The following ARHGEF33 variants were observed in gnomAD, a reference collection of about 807,000 sequenced individuals.
The protein encoded by ARHGEF33 is Rho guanine nucleotide exchange factor 33, also known as DH and coiled-coil domain-containing protein ENSP00000381780.
In ARHGEF33, 72 loss-of-function variants were observed where a neutral mutation model predicts 101.9. The observed-to-expected ratio is 0.71, with a 90% confidence interval of 0.58 to 0.86. The LOEUF (loss-of-function observed/expected upper bound fraction) is 0.86. ARHGEF33 is among the 40% of genes least tolerant of loss of function. The probability of loss-of-function intolerance (pLI) is 0.00; values close to 1 mark genes in which losing one functional copy is unlikely to be tolerated. For missense variants in ARHGEF33, 1,169 were observed against 1,111.3 expected, an observed-to-expected ratio of 1.05 and a Z score of -0.74; for synonymous variants, 499 against 442.5, an observed-to-expected ratio of 1.13 and a Z score of -1.60.
At chr2:38,904,415 GA>G (rs34284601) in intron 2 of ARHGEF33, among the ~76,000 whole-genome samples, 38,672 of 151,930 alleles carry the variant, frequency 0.25, 5,204 homozygotes, top group Admixed American at 0.31. Flanking sequence ...TTATGAAGAT[GA>G]AAAAACAGGC....
At chr2:38,923,711 GCAGT>G (rs1443169439) in intron 4 of ARHGEF33, among the ~76,000 whole-genome samples, 1 of 152,204 alleles carries the variant, frequency 6.6e-6, no homozygotes, top group African/African-American at 2.4e-5. Flanking sequence ...GAGGTCTCAT[GCAGT>G]CATTCAGTCT....
At chr2:38,945,359 G>A (rs956180415) in intron 10 of ARHGEF33, among the ~76,000 whole-genome samples, 4 of 152,264 alleles carry the variant, frequency 2.6e-5, no homozygotes, top group East Asian at 1.9e-4. Flanking sequence ...ACAAACCCAC[G>A]AGTGGCCTAT....
chr2:38,958,842 C>T (rs969646047), intron 15 of ARHGEF33, among the ~76,000 whole-genome samples: 1 of 152,062 alleles, frequency 6.6e-6, no homozygotes, highest in South Asian at 2.1e-4. Flanking sequence ...CCACCATGCC[C>T]GGCTAATTTT....
chr2:38,937,829 G>A (rs1449898775), intron 9 of ARHGEF33, among the ~76,000 whole-genome samples: 1 of 152,166 alleles, frequency 6.6e-6, no homozygotes, highest in East Asian at 1.9e-4. Flanking sequence ...TAAGGTTGGT[G>A]GAGAAGGCAG....
chr2:38,943,789 TG>T (rs938960457), intron 9 of ARHGEF33, 111 bp from the exon 10 acceptor site: 37 of 1,064,394 alleles, frequency 3.5e-5, no homozygotes, highest in East Asian at 1.1e-4. Flanking sequence ...AACTTGCAGA[TG>T]GTTTTTTTTT....
At chr2:38,963,140 G>A (rs1667983257) in intron 16 of ARHGEF33, among the ~76,000 whole-genome samples, 1 of 152,044 alleles carries the variant, frequency 6.6e-6, no homozygotes, top group South Asian at 2.1e-4. Flanking sequence ...GTATGTGCAC[G>A]TCTGCATGTC....
intron 2 of ARHGEF33, among the ~76,000 whole-genome samples, chr2:38,912,237 G>A (rs1451835246): frequency 6.6e-6 from 1 of 152,200 alleles, no homozygotes; most frequent in Non-Finnish European, 1.5e-5. Flanking sequence ...TTAACTTGGT[G>A]AGAGGCATGT....
intron 2 of ARHGEF33, among the ~76,000 whole-genome samples, chr2:38,914,989 T>G (rs1483473062): frequency 6.6e-6 from 1 of 152,184 alleles, no homozygotes; most frequent in African/African-American, 2.4e-5. Flanking sequence ...GTATTTTATC[T>G]GTACAACAAT....
chr2:38,962,180 G>A (rs1331766740), intron 16 of ARHGEF33, among the ~76,000 whole-genome samples: 1 of 152,164 alleles, frequency 6.6e-6, no homozygotes, highest in Non-Finnish European at 1.5e-5. Context: ...AGAATTTCTT[G>A]GAGAAATCAA....
intron 2 of ARHGEF33, among the ~76,000 whole-genome samples, chr2:38,905,288 G>C (rs1467929741): frequency 6.6e-6 from 1 of 152,126 alleles, no homozygotes; most frequent in East Asian, 1.9e-4. Context: ...ATGATGAACT[G>C]TTTAGCATAA....
intron 2 of ARHGEF33, among the ~76,000 whole-genome samples, chr2:38,902,046 T>C (rs1393395935): frequency 7.0e-6 from 1 of 143,494 alleles, no homozygotes; most frequent in African/African-American, 2.6e-5. Context: ...ACCCGGGAGG[T>C]GGAGCTTGCA....
Position 38,944,027 on chromosome 2 carries a change from G to C in ARHGEF33, c.917G>C (p.Arg306Thr), listed in dbSNP as rs986731308. The change falls in exon 10 of 18, where the codon AGA becomes ACA. Residue 306 changes from arginine to threonine, a missense_variant. Physicochemically the swap from Arg to Thr is moderately conservative, Grantham distance 71. Transcript: ENST00000409978. ...GSDGKRNSKE[R>T]SLFPGSLRYL... ...GATGGAAAGAGGAATTCCAAAGAGA[G>C]AAGGTATCCATGCACTCATTGCCTT... 2 of 1,549,864 alleles carry C rather than the reference G, an allele frequency of 1.3e-6. No homozygotes were observed. The highest frequency in any genetic ancestry group is 2.7e-5 in the African/African-American group (2 of 72,946).
chr2:38,926,276 A>G (rs1666866277), intron 4 of ARHGEF33, among the ~76,000 whole-genome samples: 1 of 152,224 alleles, frequency 6.6e-6, no homozygotes, highest in Non-Finnish European at 1.5e-5. Flanking sequence ...GTAGACACCC[A>G]TTTCTAATCC....
chr2:38,909,812 C>A (rs529638175), intron 2 of ARHGEF33, among the ~76,000 whole-genome samples: 136 of 147,720 alleles, frequency 9.2e-4, no homozygotes, highest in Non-Finnish European at 1.6e-3. Context: ...ATTGTCTTAT[C>A]TCCTTACCAT....
chr2:38,908,189 T>G (rs1389580244), intron 2 of ARHGEF33, among the ~76,000 whole-genome samples: 1 of 152,090 alleles, frequency 6.6e-6, no homozygotes, highest in Admixed American at 6.5e-5. Context: ...TAACTTCCAC[T>G]CAGATGAATC....
At chr2:38,911,463 T>C (rs1418550373) in intron 2 of ARHGEF33, among the ~76,000 whole-genome samples, 1 of 152,216 alleles carries the variant, frequency 6.6e-6, no homozygotes, top group Non-Finnish European at 1.5e-5. Context: ...TGGAAAGTAA[T>C]AGACAATCCT....
At chr2:38,936,714 G>T (rs181861680) in intron 8 of ARHGEF33, among the ~76,000 whole-genome samples, 1 of 152,086 alleles carries the variant, frequency 6.6e-6, no homozygotes, top group East Asian at 2.0e-4. Context: ...GGTGGCTCAC[G>T]CCTGTAATCT....
chr2:38,922,982 C>A (rs1318001442), intron 4 of ARHGEF33, among the ~76,000 whole-genome samples: 1 of 152,166 alleles, frequency 6.6e-6, no homozygotes, highest in African/African-American at 2.4e-5. Context: ...TTTCCCTGCC[C>A]ACTTCCCCTC....
intron 16 of ARHGEF33, among the ~76,000 whole-genome samples, chr2:38,963,879 A>C (rs1172593439): frequency 3.3e-5 from 5 of 152,196 alleles, no homozygotes; most frequent in Non-Finnish European, 7.3e-5. Context: ...GTTTTGGGAA[A>C]GGCAATTTTT....
Sources: allele counts gnomAD v4.1 joint callset (sites outside exome capture counted in the v4.1 genomes callset), GRCh38; gene constraint gnomAD v4.1.1; transcripts MANE v1.5; gene names NCBI Gene and HGNC (gene_info 2026-07-23, HGNC 2026-07-21).